DDX60L: variants seen among roughly 807,000 people sequenced by gnomAD.
DDX60L encodes DExD/H-box 60 like.
In DDX60L, 191 loss-of-function variants were observed where a neutral mutation model predicts 211.6. The ratio of observed to expected loss-of-function variants is 0.90; its 90% CI spans 0.80 to 1.02. The LOEUF is 1.02. DDX60L is among the 50% of genes least tolerant of loss of function. The pLI is 0.00. For synonymous variants in DDX60L, 706 were observed against 694.1 expected (o/e 1.02, Z -0.27); for missense variants, 2,007 against 1,984.1 (o/e 1.01, Z -0.22).
chr4:168,360,118 AT>A (rs2149585044), intron 37 of DDX60L, among the ~76,000 whole-genome samples: 1 of 152,290 alleles, frequency 6.6e-6, no homozygotes, highest in East Asian at 1.9e-4. Context: ...TTATCTTAGT[AT>A]TTTGTGTATA....
chr4:168,390,475 C>G, intron 29 of DDX60L: 1 of 1,380,070 alleles, frequency 7.2e-7, no homozygotes. Context: ...GAGATAAACT[C>G]CTTTTCTCTG....
At chr4:168,376,473 C>A (rs1316540131) in intron 33 of DDX60L, among the ~76,000 whole-genome samples, 1 of 152,108 alleles carries the variant, frequency 6.6e-6, no homozygotes, top group Non-Finnish European at 1.5e-5. Context: ...AAGAATTTTC[C>A]AGGGGGATTC....
chr4:168,455,723 T>G (rs954651467), intron 7 of DDX60L, among the ~76,000 whole-genome samples: 1 of 152,172 alleles, frequency 6.6e-6, no homozygotes, highest in Non-Finnish European at 1.5e-5. Context: ...CTTTCTCTGT[T>G]TTTTAGAAGA....
At position 168,419,376 on chromosome 4, in the gene DDX60L, A is replaced by G. The variant is rs1310342163; in HGVS notation, c.2536T>C (p.Cys846Arg). 1 of 1,592,312 alleles carries G rather than the reference A, an allele frequency of 6.3e-7. No individual in the cohort carries two copies. Among genetic ancestry groups the G allele is most frequent in the Admixed American group, 1.7e-5 (1 of 57,304 alleles). ...GGAGCAAGCAACAGGATTTCAAAAC[A>G]TTCCGGCACTGTAATAAGTACCTAC... Reference protein sequence around the residue: ...NCQVLITVPECFEILLLAPHR... With the variant: ...NCQVLITVPERFEILLLAPHR... The change falls in exon 19 of 38, where the codon TGT becomes CGT. Residue 846 changes from cysteine (C) to arginine (R), a missense_variant. Coordinates refer to ENST00000682922, the MANE Select transcript of DDX60L (RefSeq NM_001012967.3).
chr4:168,455,272 T>TTGTGTGTGTGTGTGTG (rs34353821), intron 7 of DDX60L, among the ~76,000 whole-genome samples: 5,866 of 144,098 alleles, frequency 0.041, 214 homozygotes, highest in East Asian at 0.12. Context: ...CATACAAACT[T>TTGTGTGTGTGTGTGTG]TGTGTGTGTG....
intron 1 of DDX60L, among the ~76,000 whole-genome samples, chr4:168,479,139 G>A (rs1403438083): frequency 7.3e-6 from 1 of 136,786 alleles, no homozygotes; most frequent in East Asian, 2.9e-4. Context: ...TGGATGGATG[G>A]ATGGATGGAT....
At chr4:168,443,454 C>T (rs2150010286) in intron 9 of DDX60L, among the ~76,000 whole-genome samples, 1 of 151,978 alleles carries the variant, frequency 6.6e-6, no homozygotes, top group Non-Finnish European at 1.5e-5. Flanking sequence ...AAACACTCTG[C>T]AGGATATTAT....
chr4:168,416,177 T>G (rs907220658), intron 20 of DDX60L, among the ~76,000 whole-genome samples: 1 of 152,200 alleles, frequency 6.6e-6, no homozygotes, highest in African/African-American at 2.4e-5. Context: ...GTTCATATAA[T>G]GCTTTGTTGT....
intron 36 of DDX60L, among the ~76,000 whole-genome samples, chr4:168,370,687 T>G (rs911575281): frequency 6.6e-6 from 1 of 152,216 alleles, no homozygotes; most frequent in African/African-American, 2.4e-5. Flanking sequence ...AATATCAAAC[T>G]GTATCCTATA....
In DDX60L at chr4:168,415,664, A is replaced by T; in HGVS notation, c.2862T>A (p.Val954=). ...DHSYKNQSYE[V]RLVLCGERYN... ...TAAAAAAAATAAGCTTACCAAGTCT[A>T]ACTTCATATGATTGATTTTTATATG... The change falls in exon 21 of 38, where the codon GTT becomes GTA. Residue 954 remains valine (V), a synonymous_variant. Coordinates refer to ENST00000682922, the MANE Select transcript of DDX60L (RefSeq NM_001012967.3). 6.3e-7 allele frequency: 1 copy of T among 1,584,760 alleles called. No individual in the cohort carries two copies.
At chr4:168,468,592 A>G (rs1204197924) in intron 4 of DDX60L, among the ~76,000 whole-genome samples, 1 of 152,172 alleles carries the variant, frequency 6.6e-6, no homozygotes, top group Non-Finnish European at 1.5e-5. Context: ...CCAGGTAAAG[A>G]TTCCCACTCA....
intron 1 of DDX60L, among the ~76,000 whole-genome samples, chr4:168,480,001 A>AAG (rs1554026997): frequency 0.044 from 6,110 of 140,272 alleles, 337 homozygotes; most frequent in Non-Finnish European, 0.069. Flanking sequence ...AAAAAAAAAA[A>AAG]AGCTTAAATA....
At chr4:168,377,478 T>A (rs1182707739) in intron 33 of DDX60L, among the ~76,000 whole-genome samples, 1 of 152,148 alleles carries the variant, frequency 6.6e-6, no homozygotes, top group Non-Finnish European at 1.5e-5. Flanking sequence ...CTGAGAACCA[T>A]GTTAACTGCA....
rs758866831 is a variant in DDX60L at position 168,427,247 on chromosome 4, G to A, written c.1753C>T (p.Gln585Ter). The change falls in exon 14 of 38, where the codon CAA (glutamine) becomes TAA (stop). Residue 585 changes from glutamine to a stop codon, truncating the protein, a stop_gained. Transcript: ENST00000682922. LOFTEE classifies it high-confidence loss of function. ...ATAGAAAACAGCAGATCATCGTTTT[G>A]CTGAGCTTTGTTCTGATCTTCTTTG... is the stretch of plus-strand genomic sequence containing the variant. ...FLKEDQNKAQ[Q>*]NDDLLFSIEE... 6.2e-7 allele frequency: 1 copy of A among 1,613,580 alleles called. No individual in the cohort carries two copies. The highest frequency in any genetic ancestry group is 1.3e-5 in the African/African-American group (1 of 74,890).
At chr4:168,404,154 G>A in intron 24 of DDX60L, 48 bp from the exon 25 acceptor site, 30 of 1,131,270 alleles carry the variant, frequency 2.7e-5, no homozygotes, top group Non-Finnish European at 3.5e-5. Context: ...AGAATTTGTG[G>A]AAACAGAAGA....
rs755143290 is a variant in DDX60L, at chr4:168,416,725, A to G, written c.2683T>C (p.Leu895=). 6.2e-7 allele frequency: 1 copy of G among 1,609,080 alleles called. No individual in the cohort carries two copies. Among genetic ancestry groups the G allele is most frequent in the Non-Finnish European group, 8.5e-7 (1 of 1,178,038 alleles). The change falls in exon 20 of 38, where the codon TTG becomes CTG. Residue 895 remains leucine, a synonymous_variant. Coordinates refer to ENST00000682922, the MANE Select transcript of DDX60L (RefSeq NM_001012967.3). ...TTATTTATGGTAGCTGAAAGAACCA[A>G]AAAGGGACATCGAATAATGACAAGG... The part of the protein sequence containing the change: ...LLLVIIRCPF[L]VLSATINNPN...
intron 10 of DDX60L, among the ~76,000 whole-genome samples, chr4:168,434,309 G>A (rs1752752641): frequency 6.6e-6 from 1 of 152,092 alleles, no homozygotes; most frequent in South Asian, 2.1e-4. Context: ...AACTCCAATT[G>A]GACATGTGAT....
intron 5 of DDX60L, among the ~76,000 whole-genome samples, chr4:168,460,075 G>A (rs1757120885): frequency 6.6e-6 from 1 of 152,032 alleles, no homozygotes; most frequent in African/African-American, 2.4e-5. Flanking sequence ...AATTTCAAAG[G>A]ACAGAGATCT....
intron 36 of DDX60L, among the ~76,000 whole-genome samples, chr4:168,362,290 C>T (rs1579149207): frequency 6.6e-6 from 1 of 152,360 alleles, no homozygotes; most frequent in South Asian, 2.1e-4. Context: ...TCCCACTACA[C>T]ATGCACTTGG....
Sources: gnomAD v4.1 joint callset for allele counts (sites outside exome capture counted in the v4.1 genomes callset) on GRCh38, gnomAD v4.1.1 for gene constraint, MANE v1.5 for transcripts, NCBI Gene and HGNC (gene_info 2026-07-23, HGNC 2026-07-21) for gene names.